PRSS23: variants seen among roughly 807,000 people sequenced by gnomAD.
PRSS23 encodes protease, serine 23.
A neutral mutation model predicts 34.7 loss-of-function variants in PRSS23; 25 were observed. That is an observed-to-expected ratio of 0.72 (90% CI 0.53 to 1.01). The LOEUF (loss-of-function observed/expected upper bound fraction) is 1.01. PRSS23 is among the 50% of genes least tolerant of loss of function. PRSS23 has a pLI of 0.00. For synonymous variants in PRSS23, 176 were observed against 186.6 expected (o/e 0.94, Z 0.46); for missense variants, 445 against 475.6 (o/e 0.94, Z 0.60).
At chr11:86,882,360 C>T (rs997503620) in intron 2 of PRSS23, among the ~76,000 whole-genome samples, 11 of 152,178 alleles carry the variant, frequency 7.2e-5, no homozygotes, top group African/African-American at 2.4e-4. Flanking sequence ...CCTCCTCCCA[C>T]TCTCCACCTT....
At chr11:86,841,246 G>A (rs565591079) in intron 2 of PRSS23, among the ~76,000 whole-genome samples, 2 of 151,216 alleles carry the variant, frequency 1.3e-5, no homozygotes, top group Admixed American at 1.3e-4. Context: ...GGCTAAGGCA[G>A]GAGAATCCCT....
At chr11:86,867,408 T>C (rs1948656808) in intron 2 of PRSS23, among the ~76,000 whole-genome samples, 1 of 152,246 alleles carries the variant, frequency 6.6e-6, no homozygotes, top group African/African-American at 2.4e-5. Context: ...AAACCCACAG[T>C]GTCTTAAGAA....
chr11:86,887,182 A>G (rs1176519886), intron 2 of PRSS23, among the ~76,000 whole-genome samples: 2 of 152,206 alleles, frequency 1.3e-5, no homozygotes, highest in East Asian at 3.8e-4. Flanking sequence ...GCTCGTTCTT[A>G]TTACACAATC....
chr11:86,791,119 C>G (rs908211881), exon 1 of PRSS23: 3 of 152,354 alleles, frequency 2.0e-5, no homozygotes, highest in Admixed American at 6.5e-5. Context: ...CACCCTTCCT[C>G]CAGGAGCACA....
upstream of PRSS23, chr11:86,800,307 A>C: frequency 9.6e-6 from 3 of 311,246 alleles, no homozygotes; most frequent in Non-Finnish European, 1.4e-5. Flanking sequence ...CGGACTGGCG[A>C]CTGCTGCCGC....
Position 86,810,870 on chromosome 11 carries a change from AAAAG to A in PRSS23, c.*2080_*2083del, listed in dbSNP as rs1436853780. The stretch of plus-strand genomic sequence containing the variant: ...ACATGTCCATCTTTTTAGTGATAAT[AAAAG>A]AAAGCATGGTATTAAACTATCATAG... On this transcript the variant is annotated 3_prime_UTR_variant, in exon 2 of 2. Transcript: ENST00000280258. 6.0e-6 allele frequency: 1 copy of A among 167,094 alleles called. No individual in the cohort carries two copies. Among genetic ancestry groups the A allele is most frequent in the Non-Finnish European group, 1.5e-5 (1 of 68,124 alleles). 10.4% of individuals were successfully genotyped at this position (167,094 alleles called of 1,614,324 possible).
At chr11:86,900,781 C>CTTTTTTTTTTTTTTTTTT (rs60869425) in intron 2 of PRSS23, among the ~76,000 whole-genome samples, 1 of 94,020 alleles carries the variant, frequency 1.1e-5, no homozygotes, top group African/African-American at 4.5e-5. Flanking sequence ...ATCTCTCTCT[C>CTTTTTTTTTTTTTTTTTT]TTTTTTTTTT....
upstream of PRSS23, among the ~76,000 whole-genome samples, chr11:86,795,786 C>T (rs1309090469): frequency 1.3e-5 from 2 of 152,210 alleles, no homozygotes; most frequent in Non-Finnish European, 2.9e-5. Flanking sequence ...CCACGTAACA[C>T]TTTATTATTA....
At chr11:86,929,504 A>G (rs1472710717) in intron 2 of PRSS23, among the ~76,000 whole-genome samples, 2 of 150,252 alleles carry the variant, frequency 1.3e-5, no homozygotes, top group Non-Finnish European at 3.0e-5. Flanking sequence ...TTAACCATGC[A>G]TGGTGGCATA....
rs537333496 is a variant in PRSS23 at position 86,809,085 on chromosome 11, T to C, written c.*290T>C. 79 of 301,738 alleles carry C rather than the reference T, an allele frequency of 2.6e-4. No individual in the cohort carries two copies. The highest frequency in any genetic ancestry group is 1.0e-3 in the Middle Eastern group (1 of 978). 18.7% of individuals were successfully genotyped at this position (301,738 alleles called of 1,614,324 possible). ...CAATGAGGAATATTTGACAATTAAG[T>C]TAATCTTCACGTTTTTGCAAACTTT... On this transcript the variant is annotated 3_prime_UTR_variant, in exon 2 of 2. Coordinates refer to ENST00000280258, the MANE Select transcript of PRSS23 (RefSeq NM_007173.6).
chr11:86,937,305 G>A (rs914469487), intron 2 of PRSS23: 3 of 152,220 alleles, frequency 2.0e-5, no homozygotes, highest in African/African-American at 7.2e-5. Flanking sequence ...TAGACTCTCT[G>A]CCTTAGCCCT....
At chr11:86,827,433 T>A (rs1022842070) in intron 2 of PRSS23, among the ~76,000 whole-genome samples, 1 of 152,210 alleles carries the variant, frequency 6.6e-6, no homozygotes, top group Non-Finnish European at 1.5e-5. Context: ...GTTGATCCTT[T>A]CAAAAAACCA....
chr11:86,832,501 G>T, intron 2 of PRSS23: 1 of 268,818 alleles, frequency 3.7e-6, no homozygotes, highest in Non-Finnish European at 7.4e-6. Flanking sequence ...CAAAAGGAAT[G>T]GAACAGATAA....
At chr11:86,905,241 C>T (rs1948934714) in intron 2 of PRSS23, among the ~76,000 whole-genome samples, 1 of 152,146 alleles carries the variant, frequency 6.6e-6, no homozygotes, top group African/African-American at 2.4e-5. Flanking sequence ...ATATTCAGCA[C>T]ATAGTGGCTA....
At chr11:86,896,806 G>A (rs1026931857) in intron 2 of PRSS23, among the ~76,000 whole-genome samples, 1 of 152,248 alleles carries the variant, frequency 6.6e-6, no homozygotes, top group African/African-American at 2.4e-5. Flanking sequence ...CAATGGCTCA[G>A]AGGAAGGGAA....
chr11:86,873,088 C>A (rs1948695638), intron 2 of PRSS23, among the ~76,000 whole-genome samples: 1 of 151,728 alleles, frequency 6.6e-6, no homozygotes, highest in African/African-American at 2.4e-5. Flanking sequence ...GGTGGACACC[C>A]ACCTATGATA....
At chr11:86,897,592 C>G (rs1306052503) in intron 2 of PRSS23, among the ~76,000 whole-genome samples, 1 of 152,120 alleles carries the variant, frequency 6.6e-6, no homozygotes, top group Admixed American at 6.5e-5. Flanking sequence ...CCTGCCTCAG[C>G]CTCCTGAGTG....
chr11:86,860,671 C>T (rs1948606722), intron 2 of PRSS23, among the ~76,000 whole-genome samples: 2 of 149,954 alleles, frequency 1.3e-5, no homozygotes, highest in Admixed American at 6.6e-5. Flanking sequence ...TGTACGTTAC[C>T]CCTGTGTTAT....
At chr11:86,852,311 C>G (rs1398066455) in intron 2 of PRSS23, among the ~76,000 whole-genome samples, 3 of 152,174 alleles carry the variant, frequency 2.0e-5, no homozygotes, top group Non-Finnish European at 1.5e-5. Context: ...ATTTACTATT[C>G]TATGGCCTGT....
Sources: gnomAD v4.1 joint callset for allele counts (sites outside exome capture counted in the v4.1 genomes callset) on GRCh38, gnomAD v4.1.1 for gene constraint, MANE v1.5 for transcripts, NCBI Gene and HGNC (gene_info 2026-07-23, HGNC 2026-07-21) for gene names.